The following INTS7 variants were observed in gnomAD, a reference collection of about 807,000 sequenced individuals.
The protein encoded by INTS7 is chromosome 1 open reading frame 73.
Under a neutral mutation model 109.2 loss-of-function variants are expected in INTS7, and 46 were observed. The observed-to-expected ratio is 0.42, with a 90% CI of 0.33 to 0.54. The LOEUF is 0.54. Among genes scored for constraint, INTS7 ranks in the 20% least tolerant of loss-of-function variants. INTS7 has a pLI of 0.07. For synonymous variants in INTS7, 412 were observed against 402.9 expected (o/e 1.02, Z -0.27); for missense variants, 929 against 1,132.4 (o/e 0.82, Z 2.58).
chr1:212,010,836 T>A (rs576132505), intron 5 of INTS7, among the ~76,000 whole-genome samples: 7 of 152,284 alleles, frequency 4.6e-5, no homozygotes, highest in Non-Finnish European at 1.0e-4. Flanking sequence ...TTTATTTAAG[T>A]ACACTCTATG....
At chr1:211,952,959 A>G (rs1297927095) in intron 16 of INTS7, among the ~76,000 whole-genome samples, 2 of 152,236 alleles carry the variant, frequency 1.3e-5, no homozygotes, top group Non-Finnish European at 2.9e-5. Context: ...TTGCCAGGAA[A>G]TATGACAGTG....
intron 8 of INTS7, among the ~76,000 whole-genome samples, chr1:211,983,656 CTT>C (rs1664762097): frequency 6.6e-6 from 1 of 152,154 alleles, no homozygotes; most frequent in African/African-American, 2.4e-5. Context: ...TTCTCGTCAA[CTT>C]CAACTTTGTT....
intron 12 of INTS7, among the ~76,000 whole-genome samples, chr1:211,975,634 T>C (rs1664386361): frequency 6.6e-6 from 1 of 152,182 alleles, no homozygotes; most frequent in African/African-American, 2.4e-5. Flanking sequence ...GAATCAACTA[T>C]AAACCAAGTC....
chr1:211,975,428 T>C, intron 12 of INTS7, 56 bp from the exon 13 acceptor site: 3 of 1,360,188 alleles, frequency 2.2e-6, no homozygotes, highest in South Asian at 1.2e-5. Context: ...GTGAGGTTCT[T>C]ACATTTGAAA....
At chr1:212,019,564 AC>A (rs1409939746) in intron 3 of INTS7, among the ~76,000 whole-genome samples, 2 of 152,210 alleles carry the variant, frequency 1.3e-5, no homozygotes, top group South Asian at 2.1e-4. Context: ...TAGATATGAT[AC>A]TATAAATGGC....
intron 4 of INTS7, among the ~76,000 whole-genome samples, chr1:212,016,091 TTATC>T (rs1220403895): frequency 6.6e-6 from 1 of 152,192 alleles, no homozygotes. Flanking sequence ...TGATCATAAT[TTATC>T]TAAGCTCAAT....
intron 8 of INTS7, among the ~76,000 whole-genome samples, chr1:211,985,796 C>T (rs1357675051): frequency 1.3e-5 from 2 of 152,132 alleles, no homozygotes; most frequent in African/African-American, 4.8e-5. Flanking sequence ...TGAAAGGCTA[C>T]TTGTATGGGA....
intron 7 of INTS7, among the ~76,000 whole-genome samples, chr1:211,994,423 CTTTT>C (rs1281380292): frequency 7.5e-6 from 1 of 133,640 alleles, no homozygotes; most frequent in Non-Finnish European, 1.6e-5. Context: ...AAAAAATTCT[CTTTT>C]TTTTTTTTTT....
At chr1:211,974,161 A>G (rs545982219) in intron 13 of INTS7, among the ~76,000 whole-genome samples, 116 of 151,816 alleles carry the variant, frequency 7.6e-4, no homozygotes, top group African/African-American at 2.7e-3. Context: ...TCTGCTCCAC[A>G]TAAACTAGAA....
chr1:211,970,972 T>C (rs1013760534), intron 13 of INTS7, among the ~76,000 whole-genome samples: 1 of 152,246 alleles, frequency 6.6e-6, no homozygotes, highest in Non-Finnish European at 1.5e-5. Flanking sequence ...ATTTAGCTAC[T>C]GACCATTACT....
chr1:211,985,706 T>C (rs1664864574), intron 8 of INTS7, among the ~76,000 whole-genome samples: 1 of 152,214 alleles, frequency 6.6e-6, no homozygotes. Context: ...ACTTCACAAC[T>C]ATGTGAACTT....
intron 16 of INTS7, among the ~76,000 whole-genome samples, chr1:211,963,118 G>T (rs1436702276): frequency 6.6e-6 from 1 of 152,046 alleles, no homozygotes; most frequent in African/African-American, 2.4e-5. Flanking sequence ...TTGATAGACG[G>T]CTGGCTAGAC....
At chr1:211,953,246 G>A (rs553423923) in intron 16 of INTS7, among the ~76,000 whole-genome samples, 9 of 152,202 alleles carry the variant, frequency 5.9e-5, no homozygotes, top group Admixed American at 1.3e-4. Flanking sequence ...GCATAGGCAC[G>A]TTCAGAAGAC....
intron 4 of INTS7, among the ~76,000 whole-genome samples, chr1:212,013,579 C>T (rs535882374): frequency 6.6e-6 from 1 of 152,296 alleles, no homozygotes; most frequent in African/African-American, 2.4e-5. Flanking sequence ...ACAGTAATGT[C>T]CTAGGCTTTC....
intron 1 of INTS7, 103 bp from the exon 2 acceptor site, chr1:212,021,315 A>T: frequency 2.1e-6 from 2 of 961,414 alleles, no homozygotes; most frequent in Middle Eastern, 4.4e-4. Context: ...AGAAATAATC[A>T]TTCTTAAGAA....
chr1:211,961,426 A>C (rs1289076912), intron 16 of INTS7, among the ~76,000 whole-genome samples: 1 of 151,542 alleles, frequency 6.6e-6, no homozygotes, highest in Non-Finnish European at 1.5e-5. Context: ...GCCAATATTC[A>C]ATTCTTTTTT....
Position 211,944,869 on chromosome 1 carries a change from G to C in INTS7, c.2516C>G (p.Ser839Cys). The change falls in exon 19 of 20, where the codon TCT becomes TGT. Residue 839 changes from serine (S) to cysteine (C), a missense_variant. By Grantham distance (112) the Ser-to-Cys change is moderately radical (BLOSUM62 -1). Transcript: ENST00000366994. ...AATTTTGCGGAAGAGTCCTGGTTTA[G>C]ATCCGTGCTGAACCACTCCCTCTAC... Reference protein sequence around the residue: ...LKVEGVVQHGSKPGLFRKIQS... With the variant: ...LKVEGVVQHGCKPGLFRKIQS... The C allele has an allele frequency of 1.2e-6, 2 of 1,614,140 alleles. No homozygotes were observed. Among genetic ancestry groups the C allele is most frequent in the Non-Finnish European group, 1.7e-6 (2 of 1,179,964 alleles).
intron 7 of INTS7, among the ~76,000 whole-genome samples, chr1:211,998,833 TAA>T (rs982741752): frequency 1.3e-5 from 2 of 151,732 alleles, no homozygotes; most frequent in African/African-American, 4.8e-5. Context: ...AAAAACCTAA[TAA>T]AAAAAGAATA....
rs760509446 is a variant in INTS7 at position 212,021,236 on chromosome 1, G to A, written c.95-24C>T. The A allele has an allele frequency of 3.2e-6, 5 of 1,584,348 alleles. No homozygotes were observed. In the South Asian group the frequency reaches 5.9e-5, roughly 19 times the overall value. The stretch of plus-strand genomic sequence containing the variant: ...GCCTATGGAAAAAAAAAAGCACAGA[G>A]AGGGAAGAACAGTTTGCATATTTGT... On this transcript the variant is annotated intron_variant, in intron 1 of 19. Transcript: ENST00000366994.
Sources: gnomAD v4.1 joint callset for allele counts (sites outside exome capture counted in the v4.1 genomes callset) on GRCh38, gnomAD v4.1.1 for gene constraint, MANE v1.5 for transcripts, NCBI Gene and HGNC (gene_info 2026-07-23, HGNC 2026-07-21) for gene names.